The following NUDT13 variants were observed in gnomAD, a reference collection of about 807,000 sequenced individuals.
NUDT13 encodes the protein nudix hydrolase 13.
Under a neutral mutation model 41.7 loss-of-function variants are expected in NUDT13, and 40 were observed. That is an observed-to-expected ratio of 0.96 (90% CI 0.75 to 1.25). The LOEUF (loss-of-function observed/expected upper bound fraction) is 1.25. NUDT13 is among the 50% of genes most tolerant of loss of function. NUDT13 has a pLI of 0.00. For synonymous variants in NUDT13, 145 were observed against 155.5 expected (o/e 0.93, Z 0.50); for missense variants, 390 against 416.1 (o/e 0.94, Z 0.55).
rs1310201711 is a variant in NUDT13 at position 73,130,695 on chromosome 10, T to A, written c.859-8T>A. Reference sequence around the variant, plus strand: ...ACCTTACATCCTTTTCTTCCTTATGTCTTTCAGATCCAGGTGAACTTGAGA... The same window carrying A: ...ACCTTACATCCTTTTCTTCCTTATGACTTTCAGATCCAGGTGAACTTGAGA... On this transcript the variant is annotated splice_region_variant and splice_polypyrimidine_tract_variant and intron_variant, in intron 8 of 8. Coordinates refer to ENST00000357321, the MANE Select transcript of NUDT13 (RefSeq NM_015901.6). 1 of 1,612,260 alleles carries A rather than the reference T, an allele frequency of 6.2e-7. No individual in the cohort carries two copies. Among genetic ancestry groups the A allele is most frequent in the East Asian group, 2.2e-5 (1 of 44,824 alleles).
intron 1 of NUDT13, among the ~76,000 whole-genome samples, chr10:73,114,107 T>G (rs569898248): frequency 6.6e-6 from 1 of 152,312 alleles, no homozygotes; most frequent in South Asian, 2.1e-4. Context: ...ACTTCATTCT[T>G]ACTCTAAGTG....
Position 73,119,585 on chromosome 10 carries a change from T to A in NUDT13, c.84-433T>A, listed in dbSNP as rs74363986. ...TCCTTTCACTCCACTGCATGTAAAT[T>A]CTTGCCTCACAGTGTAATATTGGCA... On this transcript the variant is annotated intron_variant, in intron 2 of 8. Transcript: ENST00000357321. The A allele has an allele frequency of 6.8e-3, 3,476 of 514,014 alleles. 100 individuals are homozygous for A. The African/African-American group carries it at 0.068, about 10-fold the overall frequency. 31.8% of individuals were successfully genotyped at this position (514,014 alleles called of 1,614,324 possible). A position where few individuals can be genotyped will look rare whatever the true frequency, so the allele number is the denominator to read the frequency against.
intron 2 of NUDT13, among the ~76,000 whole-genome samples, chr10:73,118,108 G>C (rs1289469801): frequency 1.3e-5 from 2 of 152,194 alleles, no homozygotes; most frequent in East Asian, 3.8e-4. Context: ...GAAGGCAGCA[G>C]TGTTTGTTCT....
Position 73,122,417 on chromosome 10 carries a change from A to C in NUDT13, c.358+108A>C, listed in dbSNP as rs141534421. 5.3e-4 allele frequency: 568 copies of C among 1,074,664 alleles called. 9 individuals carry two copies. In the African/African-American group the frequency reaches 7.3e-3, roughly 14 times the overall value. 66.6% of individuals were successfully genotyped at this position (1,074,664 alleles called of 1,614,324 possible). ...ATTTGGGGAATACAAAAGGTTATCAACTTTCTATTTTTTAAAAAAGGACAT... is the reference window on the plus strand; with the variant it reads ...ATTTGGGGAATACAAAAGGTTATCACCTTTCTATTTTTTAAAAAAGGACAT... On this transcript the variant is annotated intron_variant, in intron 4 of 8. Coordinates refer to ENST00000357321, the MANE Select transcript of NUDT13 (RefSeq NM_015901.6).
chr10:73,128,298 T>C (rs1842840011), intron 8 of NUDT13, among the ~76,000 whole-genome samples: 1 of 152,196 alleles, frequency 6.6e-6, no homozygotes, highest in African/African-American at 2.4e-5. Context: ...GGAACCTCCA[T>C]ATTTTTTTCC....
In NUDT13 at chr10:73,130,761, C is replaced by T. The variant is rs1842900368; in HGVS notation, c.917C>T (p.Ala306Val). The T allele has an allele frequency of 6.2e-7, 1 of 1,613,740 alleles. No homozygotes were observed. The highest frequency in any genetic ancestry group is 8.5e-7 in the Non-Finnish European group (1 of 1,179,926). The change falls in exon 9 of 9, where the codon GCC becomes GTC. Residue 306 changes from alanine to valine, a missense_variant. Physicochemically the swap from Ala to Val is moderately conservative, Grantham distance 64 (BLOSUM62 0). Coordinates refer to ENST00000357321, the MANE Select transcript of NUDT13 (RefSeq NM_015901.6). ...GCCTGGTTCAGTCATGATGAGGTAG[C>T]CACAGCCCTGAAGAGAAAGGGCCCC... ...TAAWFSHDEV[A>V]TALKRKGPYT...
chr10:73,118,865 G>A (rs1446255078), intron 2 of NUDT13, among the ~76,000 whole-genome samples: 2 of 151,716 alleles, frequency 1.3e-5, no homozygotes, highest in East Asian at 2.0e-4. Flanking sequence ...CCAGGTACTC[G>A]GGAGGCTGAG....
rs1589673567 is a variant in NUDT13 at position 73,130,946 on chromosome 10, G to A, written c.*43G>A. The A allele has an allele frequency of 6.6e-7, 1 of 1,511,286 alleles. No homozygotes were observed. Among genetic ancestry groups the A allele is most frequent in the Non-Finnish European group, 9.2e-7 (1 of 1,089,656 alleles). The allele number at this position is 1,511,286 out of a possible 1,614,324, so 93.6% of individuals were successfully genotyped here. A position where few individuals can be genotyped will look rare whatever the true frequency, so the allele number is the denominator to read the frequency against. On this transcript the variant is annotated 3_prime_UTR_variant, in exon 9 of 9. Transcript: ENST00000357321. ...AGATCGCTCCTTGGTATTCCTGAGG[G>A]ACAAACTAGAGATCAGTTGACAAAG...
In NUDT13 at chr10:73,117,355, G is replaced by A. The variant is rs568506316; in HGVS notation, c.84-2663G>A. Among the ~76,000 whole-genome samples the A allele has an allele frequency of 5.3e-5, 8 of 151,428 alleles. No homozygotes were observed. In the East Asian group the frequency reaches 7.9e-4, roughly 15 times the overall value. ...GTGGATCACCTGAGGTCAGGAGTTC[G>A]AGACCAGCCTGGCCAACATGGCAAA... On this transcript the variant is annotated intron_variant, in intron 2 of 8. Transcript: ENST00000357321.
chr10:73,116,876 A>ATTTTTTTTTTTTTTTTTTTTT (rs56229464), intron 2 of NUDT13, among the ~76,000 whole-genome samples: 4 of 81,868 alleles, frequency 4.9e-5, no homozygotes, highest in African/African-American at 2.0e-4. Flanking sequence ...GACTACAAGA[A>ATTTTTTTTTTTTTTTTTTTTT]TTTTTTTTTT....
chr10:73,128,714 CCT>C (rs1490519978), intron 8 of NUDT13, among the ~76,000 whole-genome samples: 2 of 152,118 alleles, frequency 1.3e-5, no homozygotes, highest in African/African-American at 4.8e-5. Flanking sequence ...TGATTGATTC[CCT>C]GACTCTGCAG....
At chr10:73,126,107 C>T in intron 7 of NUDT13, 1 of 258,942 alleles carries the variant, frequency 3.9e-6, no homozygotes, top group Non-Finnish European at 7.8e-6. Flanking sequence ...TGTAGGGAGG[C>T]CACAAGCTTT....
At chr10:73,125,651 T>TTA (rs57047791) in intron 7 of NUDT13, 142 bp downstream of exon 7, 16,926 of 195,996 alleles carry the variant, frequency 0.086, 1,104 homozygotes, top group Non-Finnish European at 0.11. Flanking sequence ...TTCTGGCATT[T>TTA]TATATATATA....
At chr10:73,130,180 C>T (rs1842881579) in intron 8 of NUDT13, 2 of 146,862 alleles carry the variant, frequency 1.4e-5, no homozygotes, top group South Asian at 4.3e-4. Context: ...ATATTTAACT[C>T]GGCCGGGCAC....
At chr10:73,111,321 G>A (rs1326728519) in intron 1 of NUDT13, among the ~76,000 whole-genome samples, 1 of 152,072 alleles carries the variant, frequency 6.6e-6, no homozygotes, top group African/African-American at 2.4e-5. Flanking sequence ...GCCTCTTCAC[G>A]GTGGAAGTAA....
intron 8 of NUDT13, among the ~76,000 whole-genome samples, chr10:73,129,979 CAA>C (rs5786101): frequency 1.8e-4 from 22 of 119,276 alleles, no homozygotes; most frequent in African/African-American, 3.7e-4. Context: ...AACTCCATCT[CAA>C]AAAAAAAAAA....
intron 1 of NUDT13, among the ~76,000 whole-genome samples, chr10:73,111,016 G>A (rs542506039): frequency 2.3e-4 from 35 of 152,080 alleles, no homozygotes; most frequent in Non-Finnish European, 4.4e-4. Flanking sequence ...TCACTTGGTC[G>A]CCCAGGCTGG....
At chr10:73,128,289 G>A (rs1842839690) in intron 8 of NUDT13, among the ~76,000 whole-genome samples, 1 of 152,012 alleles carries the variant, frequency 6.6e-6, no homozygotes, top group South Asian at 2.1e-4. Context: ...ATTTTTTGAG[G>A]AACCTCCATA....
chr10:73,120,251 G>T, intron 3 of NUDT13, 94 bp downstream of exon 3: 1 of 1,344,944 alleles, frequency 7.4e-7, no homozygotes, highest in Admixed American at 2.5e-5. Context: ...CTTGAACTTT[G>T]GAGTCTAGAT....
Sources: allele counts gnomAD v4.1 joint callset (sites outside exome capture counted in the v4.1 genomes callset), GRCh38; gene constraint gnomAD v4.1.1; transcripts MANE v1.5; gene names NCBI Gene and HGNC (gene_info 2026-07-23, HGNC 2026-07-21).